SPOCK1: variants seen among roughly 807,000 people sequenced by gnomAD.
SPOCK1 encodes the protein testican-1.
Under a neutral mutation model 55.3 loss-of-function variants are expected in SPOCK1, and 23 were observed. The ratio of observed to expected loss-of-function variants is 0.42; its 90% CI spans 0.30 to 0.59. The LOEUF (loss-of-function observed/expected upper bound fraction) is 0.59. Among genes scored for constraint, SPOCK1 ranks in the 20% least tolerant of loss-of-function variants. SPOCK1 has a pLI of 0.22. For missense variants in SPOCK1, 499 were observed against 552.5 expected (o/e 0.90, Z 0.97); for synonymous variants, 226 against 221.0 (o/e 1.02, Z -0.20).
chr5:137,352,662 A>G (rs1750709212), intron 2 of SPOCK1, among the ~76,000 whole-genome samples: 1 of 152,038 alleles, frequency 6.6e-6, no homozygotes. Context: ...GAGTGGAGGG[A>G]GAAGAAAGGT....
At chr5:137,414,901 C>A (rs576331742) in intron 2 of SPOCK1, among the ~76,000 whole-genome samples, 2 of 134,756 alleles carry the variant, frequency 1.5e-5, no homozygotes, top group African/African-American at 2.8e-5. Context: ...GATATTACAT[C>A]TTGTCCCTTA....
At chr5:137,254,286 AT>A (rs1369196541) in intron 3 of SPOCK1, among the ~76,000 whole-genome samples, 3 of 152,146 alleles carry the variant, frequency 2.0e-5, no homozygotes, top group Admixed American at 2.0e-4. Flanking sequence ...TTCTATTGGT[AT>A]TTTTTATGGC....
chr5:136,996,935 G>T (rs974233915), intron 6 of SPOCK1, among the ~76,000 whole-genome samples: 1 of 152,052 alleles, frequency 6.6e-6, no homozygotes, highest in Admixed American at 6.5e-5. Context: ...AATAAATCTT[G>T]CTACCTCTTA....
intron 2 of SPOCK1, among the ~76,000 whole-genome samples, chr5:137,373,482 C>G (rs552284421): frequency 6.6e-6 from 1 of 152,310 alleles, no homozygotes; most frequent in South Asian, 2.1e-4. Context: ...GTAGAAGGAT[C>G]CAGGACAGGA....
chr5:137,425,441 G>A (rs1248138271), intron 2 of SPOCK1, among the ~76,000 whole-genome samples: 1 of 151,736 alleles, frequency 6.6e-6, no homozygotes, highest in Non-Finnish European at 1.5e-5. Flanking sequence ...CTGAAATCCT[G>A]CTGACAAATT....
At chr5:137,320,710 T>C (rs1342466565) in intron 2 of SPOCK1, among the ~76,000 whole-genome samples, 1 of 152,132 alleles carries the variant, frequency 6.6e-6, no homozygotes, top group Non-Finnish European at 1.5e-5. Context: ...CTAGAAAAGA[T>C]TTCTCTCCCC....
At chr5:137,194,994 T>C (rs889930434) in intron 3 of SPOCK1, among the ~76,000 whole-genome samples, 5 of 152,178 alleles carry the variant, frequency 3.3e-5, no homozygotes, top group African/African-American at 1.2e-4. Context: ...CTCTCTTCAA[T>C]GTGGTTCTGA....
intron 6 of SPOCK1, among the ~76,000 whole-genome samples, chr5:137,041,962 T>C (rs992133821): frequency 6.6e-6 from 1 of 152,248 alleles, no homozygotes; most frequent in Non-Finnish European, 1.5e-5. Flanking sequence ...TTTACCCAAC[T>C]GATTTGAAAA....
intron 3 of SPOCK1, among the ~76,000 whole-genome samples, chr5:137,234,648 C>T (rs746547769): frequency 3.3e-5 from 5 of 152,088 alleles, no homozygotes; most frequent in East Asian, 1.9e-4. Context: ...TATATGTAGA[C>T]GCTGGTCCCT....
At chr5:137,132,071 A>G (rs1232918720) in intron 4 of SPOCK1, among the ~76,000 whole-genome samples, 1 of 131,122 alleles carries the variant, frequency 7.6e-6, no homozygotes, top group Non-Finnish European at 1.6e-5. Flanking sequence ...GCTACTCAGG[A>G]GGCTGAGGCA....
chr5:137,402,885 A>C (rs1752013291), intron 2 of SPOCK1, among the ~76,000 whole-genome samples: 1 of 152,246 alleles, frequency 6.6e-6, no homozygotes, highest in Admixed American at 6.5e-5. Context: ...TGTGAAATAC[A>C]GTCAGTGTGG....
chr5:137,392,157 C>T (rs951928829), intron 2 of SPOCK1, among the ~76,000 whole-genome samples: 8 of 152,162 alleles, frequency 5.3e-5, no homozygotes, highest in African/African-American at 1.4e-4. Context: ...CCTTCACTGG[C>T]TCAACTCTCT....
chr5:137,122,957 A>T (rs555783404), intron 4 of SPOCK1, among the ~76,000 whole-genome samples: 1 of 152,340 alleles, frequency 6.6e-6, no homozygotes, highest in East Asian at 1.9e-4. Flanking sequence ...GATTGCCATT[A>T]AGAAGGAGCA....
intron 2 of SPOCK1, among the ~76,000 whole-genome samples, chr5:137,488,934 A>G (rs2149844701): frequency 6.6e-6 from 1 of 152,244 alleles, no homozygotes; most frequent in South Asian, 2.1e-4. Flanking sequence ...CCCAAAGAAA[A>G]GTTTGTTTTT....
intron 4 of SPOCK1, among the ~76,000 whole-genome samples, chr5:137,122,905 G>C (rs1561617605): frequency 6.6e-6 from 1 of 152,224 alleles, no homozygotes; most frequent in Non-Finnish European, 1.5e-5. Context: ...TTGTTTTCTG[G>C]TCACCAGCAG....
chr5:137,417,510 T>C (rs926115248), intron 2 of SPOCK1, among the ~76,000 whole-genome samples: 8 of 152,120 alleles, frequency 5.3e-5, no homozygotes, highest in African/African-American at 1.9e-4. Flanking sequence ...AACAGTCCCA[T>C]CATGCTCCTT....
At chr5:137,100,964 T>C (rs1414934608) in intron 5 of SPOCK1, among the ~76,000 whole-genome samples, 2 of 152,126 alleles carry the variant, frequency 1.3e-5, no homozygotes, top group Non-Finnish European at 2.9e-5. Context: ...CAACAACTCA[T>C]GGTAAGTCCC....
intron 6 of SPOCK1, among the ~76,000 whole-genome samples, chr5:137,008,125 A>G (rs1316299469): frequency 1.7e-5 from 2 of 119,014 alleles, no homozygotes; most frequent in African/African-American, 6.5e-5. Flanking sequence ...AAAATCACAC[A>G]CTGGGGCCTG....
chr5:137,309,744 G>C (rs574183356), intron 2 of SPOCK1, among the ~76,000 whole-genome samples: 1 of 152,002 alleles, frequency 6.6e-6, no homozygotes, highest in African/African-American at 2.4e-5. Flanking sequence ...CTAAGTTAAG[G>C]CTACAGAGAC....
Sources: allele counts gnomAD v4.1 joint callset (sites outside exome capture counted in the v4.1 genomes callset), GRCh38; gene constraint gnomAD v4.1.1; transcripts MANE v1.5; gene names NCBI Gene and HGNC (gene_info 2026-07-23, HGNC 2026-07-21).